The following PHLPP2 variants were observed in gnomAD, a reference collection of about 807,000 sequenced individuals.
PHLPP2 encodes PH domain leucine-rich repeat-containing protein phosphatase 2.
PHLPP2 carries 66 observed loss-of-function variants against 124.9 expected under a neutral mutation model. The ratio of observed to expected loss-of-function variants is 0.53; its 90% confidence interval spans 0.43 to 0.65. The LOEUF (loss-of-function observed/expected upper bound fraction) is 0.65. Among genes scored for constraint, PHLPP2 ranks in the 30% least tolerant of loss-of-function variants. The pLI, the probability that PHLPP2 is intolerant of heterozygous loss-of-function variation, is 0.00. For synonymous variants in PHLPP2, 681 were observed against 624.7 expected, an observed-to-expected ratio of 1.09 and a Z score of -1.34; for missense variants, 1,685 against 1,600.4, an observed-to-expected ratio of 1.05 and a Z score of -0.90.
At chr16:71,674,293 G>T (rs2044923580) in intron 9 of PHLPP2, among the ~76,000 whole-genome samples, 1 of 151,814 alleles carries the variant, frequency 6.6e-6, no homozygotes, top group Admixed American at 6.6e-5. Flanking sequence ...TAGCCAGGCT[G>T]GTCTTGAACT....
rs2044680932 is a variant in PHLPP2 at position 71,649,642 on chromosome 16, T to C, written c.3220A>G (p.Ser1074Gly). 5.0e-6 allele frequency: 8 copies of C among 1,614,176 alleles called. No homozygotes were observed. The highest frequency in any genetic ancestry group is 6.8e-6 in the Non-Finnish European group (8 of 1,180,034). The change falls in exon 19 of 19, where the codon AGT (serine) becomes GGT (glycine). Residue 1074 changes from serine (S) to glycine (G), a missense_variant. By Grantham distance (56) the Ser-to-Gly change is moderately conservative. Transcript: ENST00000568954. ...CTGCTGAACTCAGAGGCAATCCCAC[T>C]GCTAGAGGATGGAGTGGCTGGCTTA... ...APKPATPSSSSGIASEFSSEM... is the reference protein window; with the variant it reads ...APKPATPSSSGGIASEFSSEM...
intron 18 of PHLPP2, among the ~76,000 whole-genome samples, chr16:71,650,255 A>G (rs2044687137): frequency 6.6e-6 from 1 of 152,244 alleles, no homozygotes; most frequent in South Asian, 2.1e-4. Context: ...GCCAAGTAAA[A>G]ATAAGTGACT....
chr16:71,702,530 G>A (rs1274394776), intron 3 of PHLPP2, 68 bp downstream of exon 3: 28 of 1,292,426 alleles, frequency 2.2e-5, no homozygotes, highest in South Asian at 1.0e-4. Flanking sequence ...AAAAGCTGAC[G>A]GCAGATAAGA....
intron 2 of PHLPP2, 54 bp from the exon 3 acceptor site, chr16:71,702,785 C>A: frequency 1.6e-6 from 2 of 1,272,966 alleles, no homozygotes; most frequent in South Asian, 2.9e-5. Flanking sequence ...AAAAATGGTT[C>A]ATTTAATTTT....
At chr16:71,690,361 T>C (rs1187244739) in intron 4 of PHLPP2, among the ~76,000 whole-genome samples, 158 bp downstream of exon 4, 3 of 152,224 alleles carry the variant, frequency 2.0e-5, no homozygotes, top group Non-Finnish European at 2.9e-5. Flanking sequence ...TGGGGCATAA[T>C]AGCCTCTGAA....
At chr16:71,713,424 A>G (rs1435532186) in intron 2 of PHLPP2, among the ~76,000 whole-genome samples, 1 of 152,222 alleles carries the variant, frequency 6.6e-6, no homozygotes, top group African/African-American at 2.4e-5. Context: ...AGTAACTATG[A>G]AAATTAACAA....
At chr16:71,678,013 T>C (rs1382172721) in intron 8 of PHLPP2, 1 of 152,136 alleles carries the variant, frequency 6.6e-6, no homozygotes, top group Non-Finnish European at 1.5e-5. Flanking sequence ...GACAAAGATA[T>C]GAGAAAATGG....
intron 1 of PHLPP2, chr16:71,715,196 A>AT (rs914321624): frequency 7.6e-4 from 137 of 180,144 alleles, no homozygotes; most frequent in Admixed American, 8.2e-4. Flanking sequence ...TACAAAAGAA[A>AT]TTTTTTTTTA....
chr16:71,709,024 C>T (rs1297298943), intron 2 of PHLPP2, among the ~76,000 whole-genome samples: 1 of 152,010 alleles, frequency 6.6e-6, no homozygotes, highest in African/African-American at 2.4e-5. Flanking sequence ...TAAACTATAA[C>T]CTACCATCAA....
intron 1 of PHLPP2, among the ~76,000 whole-genome samples, chr16:71,715,866 C>T (rs554706891): frequency 9.4e-4 from 141 of 150,052 alleles, no homozygotes; most frequent in African/African-American, 3.0e-3. Context: ...TGTGGTGGCA[C>T]GTGCCTGTAA....
chr16:71,689,508 T>G (rs538587282), intron 4 of PHLPP2, among the ~76,000 whole-genome samples: 1 of 149,616 alleles, frequency 6.7e-6, no homozygotes, highest in East Asian at 2.0e-4. Context: ...TTCTCCTGCC[T>G]CAGCCTCCCA....
Position 71,647,895 on chromosome 16 carries a change from C to T in PHLPP2, c.*995G>A, listed in dbSNP as rs1057341156. 2.0e-5 allele frequency: 3 copies of T among 152,582 alleles called. No individual in the cohort carries two copies. The highest frequency in any genetic ancestry group is 7.2e-5 in the African/African-American group (3 of 41,426). 9.5% of individuals were successfully genotyped at this position (152,582 alleles called of 1,614,324 possible). Reference sequence around the variant, plus strand: ...CTTCACAGGGCCCTTCCTATACCCTCGAATAAGTCTCCAACACCCAGTTCT... The same window carrying T: ...CTTCACAGGGCCCTTCCTATACCCTTGAATAAGTCTCCAACACCCAGTTCT... On this transcript the variant is annotated 3_prime_UTR_variant, in exon 19 of 19. Coordinates refer to ENST00000568954, the MANE Select transcript of PHLPP2 (RefSeq NM_015020.3).
chr16:71,672,454 C>T, intron 9 of PHLPP2, 132 bp from the exon 10 acceptor site: 1 of 679,824 alleles, frequency 1.5e-6, no homozygotes, highest in Non-Finnish European at 2.5e-6. Flanking sequence ...GAGCTAAAGA[C>T]AAAAACTACT....
At chr16:71,664,457 CT>C (rs1214733857) in intron 12 of PHLPP2, among the ~76,000 whole-genome samples, 1 of 152,138 alleles carries the variant, frequency 6.6e-6, no homozygotes, top group Non-Finnish European at 1.5e-5. Context: ...TTTAGAAAAA[CT>C]TTTGTCTGGG....
In PHLPP2 at chr16:71,646,820, G is replaced by A. The variant is rs1247511949; in HGVS notation, c.*2070C>T. The A allele has an allele frequency of 6.6e-6, 1 of 152,092 alleles. No individual in the cohort carries two copies. Among genetic ancestry groups the A allele is most frequent in the Non-Finnish European group, 1.5e-5 (1 of 68,034 alleles). 9.4% of individuals were successfully genotyped at this position (152,092 alleles called of 1,614,324 possible). A position where few individuals can be genotyped will look rare whatever the true frequency, so the allele number is the denominator to read the frequency against. On this transcript the variant is annotated 3_prime_UTR_variant, in exon 19 of 19. Transcript: ENST00000568954. ...TCCCTACTTCAAATCAAAGACCTGA[G>A]TTCTAAAATTCTCAATAGCTGACCA... is the stretch of plus-strand genomic sequence containing the variant.
chr16:71,707,157 G>A (rs921622911), intron 2 of PHLPP2, among the ~76,000 whole-genome samples: 9 of 151,372 alleles, frequency 5.9e-5, no homozygotes, highest in South Asian at 2.1e-4. Context: ...GGGTTTCACC[G>A]TGTTAGCCAG....
chr16:71,699,682 T>G (rs984918111), intron 3 of PHLPP2, among the ~76,000 whole-genome samples: 8 of 152,190 alleles, frequency 5.3e-5, no homozygotes, highest in African/African-American at 1.9e-4. Flanking sequence ...TTACCCTCAC[T>G]GGTGGAAAGC....
chr16:71,676,537 T>C lies in PHLPP2; in HGVS notation c.1381A>G (p.Ser461Gly). The part of the protein sequence containing the change: ...LTDLDLSSLC[S>G]LEQLHCGRNQ... Reference sequence around the variant, plus strand: ...CGCCCACAGTGCAGCTGTTCCAAGCTGCATAAGGAGCTAAGATCCAAGTCA... The same window carrying C: ...CGCCCACAGTGCAGCTGTTCCAAGCCGCATAAGGAGCTAAGATCCAAGTCA... Residue 461 changes from serine (S) to glycine (G), a missense_variant, in exon 9 of 19, where the codon AGC (serine) becomes GGC (glycine). Physicochemically the swap from Ser to Gly is moderately conservative, Grantham distance 56. Transcript: ENST00000568954. The C allele has an allele frequency of 6.8e-6, 11 of 1,614,176 alleles. No homozygotes were observed. Among genetic ancestry groups the C allele is most frequent in the Non-Finnish European group, 9.3e-6 (11 of 1,179,970 alleles).
At chr16:71,690,133 T>C (rs755475017) in intron 4 of PHLPP2, among the ~76,000 whole-genome samples, 23 of 152,158 alleles carry the variant, frequency 1.5e-4, no homozygotes, top group Non-Finnish European at 2.6e-4. Context: ...GGATCACAAC[T>C]TATGACTACC....
Sources: gnomAD v4.1 joint callset for allele counts (sites outside exome capture counted in the v4.1 genomes callset) on GRCh38, gnomAD v4.1.1 for gene constraint, MANE v1.5 for transcripts, NCBI Gene and HGNC (gene_info 2026-07-23, HGNC 2026-07-21) for gene names.